The following STEAP4 variants were observed in gnomAD, a reference collection of about 807,000 sequenced individuals.
STEAP4 encodes STEAP4 metalloreductase.
A neutral mutation model predicts 43.6 loss-of-function variants in STEAP4; 36 were observed. The ratio of observed to expected loss-of-function variants is 0.83; its 90% CI spans 0.63 to 1.09. The LOEUF is 1.09. Among genes scored for constraint, STEAP4 ranks in the 50% least tolerant of loss-of-function variants. The probability of loss-of-function intolerance (pLI) is 0.00; values close to 1 mark genes in which losing one functional copy is unlikely to be tolerated. For synonymous variants in STEAP4, 191 were observed against 196.7 expected (o/e 0.97, Z 0.24); for missense variants, 495 against 546.5 (o/e 0.91, Z 0.94).
rs1852504124 is a variant in STEAP4 at position 88,275,696 on chromosome 7, G to C, written c.*3702C>G. On this transcript the variant is annotated 3_prime_UTR_variant, in exon 5 of 5. Transcript: ENST00000380079. ...ATGGAGAATGAAAATTGCAACTACT[G>C]TGTGCAGTACCATGACTGCCATTAC... 6.6e-6 allele frequency: 1 copy of C among 152,106 alleles called. No individual in the cohort carries two copies. The highest frequency in any genetic ancestry group is 1.5e-5 in the Non-Finnish European group (1 of 68,266). 9.4% of individuals were successfully genotyped at this position (152,106 alleles called of 1,614,324 possible). A position where few individuals can be genotyped will look rare whatever the true frequency, so the allele number is the denominator to read the frequency against.
chr7:88,280,795 C>T, intron 4 of STEAP4, 120 bp downstream of exon 4: 1 of 1,036,514 alleles, frequency 9.6e-7, no homozygotes, highest in Non-Finnish European at 1.4e-6. Flanking sequence ...GAAATCAAAT[C>T]ATTATGGATT....
Position 88,271,054 on chromosome 7 carries a change from G to A in STEAP4, c.*8344C>T, listed in dbSNP as rs1852433125. The A allele has an allele frequency of 6.6e-6, 1 of 151,962 alleles. No homozygotes were observed. Among genetic ancestry groups the A allele is most frequent in the African/African-American group, 2.4e-5 (1 of 41,370 alleles). The allele number at this position is 151,962 out of a possible 1,614,324, so 9.4% of individuals were successfully genotyped here. A position where few individuals can be genotyped will look rare whatever the true frequency, so the allele number is the denominator to read the frequency against. On this transcript the variant is annotated 3_prime_UTR_variant, in exon 5 of 5. Coordinates refer to ENST00000380079, the MANE Select transcript of STEAP4 (RefSeq NM_024636.4). ...TAAGCATTTATCATTTCTTTCTGTT[G>A]AGAACATTCAATATCCTCCTTCTAG...
chr7:88,283,380 T>C, intron 2 of STEAP4: 1 of 537,040 alleles, frequency 1.9e-6, no homozygotes. Flanking sequence ...TAGTTGATGA[T>C]GGTTTTAGGC....
At chr7:88,283,478 C>A in intron 2 of STEAP4, 2 of 482,144 alleles carry the variant, frequency 4.1e-6, no homozygotes, top group East Asian at 3.6e-5. Context: ...ATGAATGCTT[C>A]TAATCTCAGT....
rs1329533375 is a variant in STEAP4, at chr7:88,274,595, C to T, written c.*4803G>A. ...GCACAAGAAAGAATTTGAGGTGAATCCATAAAATGAAAGCAAGTTTATTAA... is the reference window on the plus strand; with the variant it reads ...GCACAAGAAAGAATTTGAGGTGAATTCATAAAATGAAAGCAAGTTTATTAA... On this transcript the variant is annotated 3_prime_UTR_variant, in exon 5 of 5. Transcript: ENST00000380079. The T allele has an allele frequency of 6.6e-6, 1 of 152,164 alleles. No individual in the cohort carries two copies. The highest frequency in any genetic ancestry group is 1.5e-5 in the Non-Finnish European group (1 of 68,050). The allele number at this position is 152,164 out of a possible 1,614,324, so 9.4% of individuals were successfully genotyped here.
In STEAP4 at chr7:88,274,721, G is replaced by T. The variant is rs142007698; in HGVS notation, c.*4677C>A. ...TATTTCTTGATTATATGCTAAACAA[G>T]GGATGGATTATTCATGAGATGTTCA... On this transcript the variant is annotated 3_prime_UTR_variant, in exon 5 of 5. Coordinates refer to ENST00000380079, the MANE Select transcript of STEAP4 (RefSeq NM_024636.4). The T allele has an allele frequency of 6.6e-6, 1 of 152,324 alleles. No individual in the cohort carries two copies. The highest frequency in any genetic ancestry group is 1.5e-5 in the Non-Finnish European group (1 of 68,036). 9.4% of individuals were successfully genotyped at this position (152,324 alleles called of 1,614,324 possible).
intron 1 of STEAP4, among the ~76,000 whole-genome samples, chr7:88,298,600 A>T (rs957586445): frequency 6.6e-6 from 1 of 152,014 alleles, no homozygotes; most frequent in East Asian, 1.9e-4. Flanking sequence ...TTTCTTAGAC[A>T]TGTGCACTTC....
Position 88,294,445 on chromosome 7 carries a change from C to T in STEAP4, c.-2-10174G>A, listed in dbSNP as rs1370916255. Among the ~76,000 whole-genome samples, 6 of 152,034 alleles carry T rather than the reference C, an allele frequency of 3.9e-5. No individual in the cohort carries two copies. In the East Asian group the frequency reaches 5.8e-4, roughly 15 times the overall value. On this transcript the variant is annotated intron_variant, in intron 1 of 4. Coordinates refer to ENST00000380079, the MANE Select transcript of STEAP4 (RefSeq NM_024636.4). ...AAAACATTTCTGGTCCCAAGCATTT[C>T]GGTTGTGGGATACTCAACCTGTATC...
chr7:88,279,376 G>A lies in STEAP4; in HGVS notation c.*22C>T. The A allele has an allele frequency of 6.2e-7, 1 of 1,602,308 alleles. No homozygotes were observed. The highest frequency in any genetic ancestry group is 8.5e-7 in the Non-Finnish European group (1 of 1,170,224). ...TAAATTGAACTTTGTTTTAAATATT[G>A]ATTTTCCATTCAATGCTTTTTCTAG... is the stretch of plus-strand genomic sequence containing the variant. On this transcript the variant is annotated 3_prime_UTR_variant, in exon 5 of 5. Transcript: ENST00000380079.
rs1472981771 is a variant in STEAP4 at position 88,278,342 on chromosome 7, G to C, written c.*1056C>G. On this transcript the variant is annotated 3_prime_UTR_variant, in exon 5 of 5. Coordinates refer to ENST00000380079, the MANE Select transcript of STEAP4 (RefSeq NM_024636.4). ...TGCCCTATGATTTTCCGTAATTTTCGATCATCTATGCATTGTTCAAATTTA... is the reference window on the plus strand; with the variant it reads ...TGCCCTATGATTTTCCGTAATTTTCCATCATCTATGCATTGTTCAAATTTA... 2 of 152,008 alleles carry C rather than the reference G, an allele frequency of 1.3e-5. No individual in the cohort carries two copies. The highest frequency in any genetic ancestry group is 2.9e-5 in the Non-Finnish European group (2 of 67,990). The allele number at this position is 152,008 out of a possible 1,614,324, so 9.4% of individuals were successfully genotyped here.
intron 1 of STEAP4, among the ~76,000 whole-genome samples, chr7:88,302,654 TC>T (rs1468780469): frequency 6.6e-6 from 1 of 152,030 alleles, no homozygotes; most frequent in Non-Finnish European, 1.5e-5. Flanking sequence ...CATTTTTTTT[TC>T]CTTAATATTG....
intron 1 of STEAP4, among the ~76,000 whole-genome samples, chr7:88,295,740 A>G (rs1852913308): frequency 6.6e-6 from 1 of 152,148 alleles, no homozygotes; most frequent in South Asian, 2.1e-4. Context: ...AAACAAACTT[A>G]AGCGATTCTG....
intron 1 of STEAP4, among the ~76,000 whole-genome samples, chr7:88,295,002 C>T (rs1330263476): frequency 6.6e-6 from 1 of 151,990 alleles, no homozygotes; most frequent in African/African-American, 2.4e-5. Flanking sequence ...CCTAATTTTA[C>T]AAAAATATAC....
chr7:88,282,636 T>A lies in STEAP4; in HGVS notation c.984+5A>T. 6.2e-7 allele frequency: 1 copy of A among 1,609,440 alleles called. No individual in the cohort carries two copies. The highest frequency in any genetic ancestry group is 8.5e-7 in the Non-Finnish European group (1 of 1,176,920). ...GCAGAAGAAAATATATAAGAAGAGATTTACCTGGGTAACGGTTAAGTTTCC... is the reference window on the plus strand; with the variant it reads ...GCAGAAGAAAATATATAAGAAGAGAATTACCTGGGTAACGGTTAAGTTTCC... On this transcript the variant is annotated splice_donor_5th_base_variant and intron_variant, in intron 3 of 4. Transcript: ENST00000380079.
At chr7:88,301,516 A>G (rs1853033290) in intron 1 of STEAP4, among the ~76,000 whole-genome samples, 1 of 151,914 alleles carries the variant, frequency 6.6e-6, no homozygotes, top group Non-Finnish European at 1.5e-5. Context: ...GTCTCAAGTG[A>G]TTCTCCTACC....
At chr7:88,289,110 T>C (rs1852795155) in intron 1 of STEAP4, among the ~76,000 whole-genome samples, 1 of 151,916 alleles carries the variant, frequency 6.6e-6, no homozygotes, top group Admixed American at 6.6e-5. Flanking sequence ...GTGTCTATTG[T>C]TCAATGATGT....
intron 1 of STEAP4, chr7:88,292,826 G>C (rs6465137): frequency 9.5e-4 from 145 of 152,210 alleles, no homozygotes; most frequent in African/African-American, 3.3e-3. Context: ...TTTTCACTCA[G>C]CATAACATAC....
Position 88,294,684 on chromosome 7 carries a change from A to T in STEAP4, c.-2-10413T>A, listed in dbSNP as rs374759220. ...AGCAACCTAACCATATCTCTTCTAAATGGTGGTACTTTCTTTTCTTACACT... is the reference window on the plus strand; with the variant it reads ...AGCAACCTAACCATATCTCTTCTAATTGGTGGTACTTTCTTTTCTTACACT... On this transcript the variant is annotated intron_variant, in intron 1 of 4. Transcript: ENST00000380079. Among the ~76,000 whole-genome samples, 5 of 152,108 alleles carry T rather than the reference A, an allele frequency of 3.3e-5. No individual in the cohort carries two copies. In the East Asian group the frequency reaches 7.7e-4, roughly 23 times the overall value.
In STEAP4 at chr7:88,286,161, G is replaced by A. The variant is rs10257301; in HGVS notation, c.-2-1890C>T. On this transcript the variant is annotated intron_variant, in intron 1 of 4. Coordinates refer to ENST00000380079, the MANE Select transcript of STEAP4 (RefSeq NM_024636.4). ...GTCTGCAGATGACAGAAATGTTTTA[G>A]GGAAGCCGCAGTCAAAGAAATTGAC... Among the ~76,000 whole-genome samples the A allele has an allele frequency of 7.1e-3, 1,074 of 152,288 alleles. 11 individuals are homozygous for A. The highest frequency in any genetic ancestry group is 0.025 in the African/African-American group (1,044 of 41,560).
Sources: gnomAD v4.1 joint callset for allele counts (sites outside exome capture counted in the v4.1 genomes callset) on GRCh38, gnomAD v4.1.1 for gene constraint, MANE v1.5 for transcripts, NCBI Gene and HGNC (gene_info 2026-07-23, HGNC 2026-07-21) for gene names.